The following SRRM2 variants were observed in gnomAD, a reference collection of about 807,000 sequenced individuals.
The protein encoded by SRRM2 is serine/arginine repetitive matrix protein 2.
A neutral mutation model predicts 213.8 loss-of-function variants in SRRM2; 30 were observed. The ratio of observed to expected loss-of-function variants is 0.14; its 90% CI spans 0.10 to 0.19. The LOEUF (loss-of-function observed/expected upper bound fraction) is 0.19, where lower values mean the gene tolerates loss of function less well. SRRM2 is among the 10% of genes least tolerant of loss of function. The probability of loss-of-function intolerance (pLI) is 1.00; values close to 1 mark genes in which losing one functional copy is unlikely to be tolerated. For missense variants in SRRM2, 4,904 were observed against 3,647.0 expected, an observed-to-expected ratio of 1.34 and a Z score of -8.88; for synonymous variants, 2,025 against 1,377.7, an observed-to-expected ratio of 1.47 and a Z score of -10.40.
chr16:2,752,835 CGGAGGCGGCGGGT>C lies in SRRM2; in HGVS notation c.-41_-32+3del, dbSNP rs764629554. ...ACCTCTCCCCCTCGGAGGCGGCGGG[CGGAGGCGGCGGGT>C]GAGAGGGTGAGGGAGCCAGCGAGCC... is the stretch of plus-strand genomic sequence containing the variant. On this transcript the variant is annotated splice_donor_variant and 5_prime_UTR_variant, in exon 1 of 15. Coordinates refer to ENST00000301740, the MANE Select transcript of SRRM2 (RefSeq NM_016333.4). LOFTEE classifies it low-confidence loss of function (5UTR_SPLICE). 7.1e-5 allele frequency: 20 copies of C among 280,502 alleles called. No individual in the cohort carries two copies. Among genetic ancestry groups the C allele is most frequent in the South Asian group, 4.2e-4 (16 of 38,430 alleles). The allele number at this position is 280,502 out of a possible 1,614,324, so 17.4% of individuals were successfully genotyped here. A position where few individuals can be genotyped will look rare whatever the true frequency, so the allele number is the denominator to read the frequency against.
At position 2,763,303 on chromosome 16, in the gene SRRM2, A is replaced by G; in HGVS notation, c.2775A>G (p.Pro925=). ...CCAAAGTGAAGGCAATAATATCACC[A>G]AGACAAAGAAGCCATTCTGGCTCCT... The part of the protein sequence containing the change: ...PQPKVKAIIS[P]RQRSHSGSSS... The change falls in exon 11 of 15, where the codon CCA becomes CCG. Residue 925 remains proline, a synonymous_variant. Transcript: ENST00000301740. 1 of 1,614,174 alleles carries G rather than the reference A, an allele frequency of 6.2e-7. No homozygotes were observed. Among genetic ancestry groups the G allele is most frequent in the East Asian group, 2.2e-5 (1 of 44,886 alleles).
At position 2,771,214 on chromosome 16, in the gene SRRM2, G is replaced by C. The variant is rs1016670065; in HGVS notation, c.*347G>C. 1.5e-6 allele frequency: 1 copy of C among 657,894 alleles called. No individual in the cohort carries two copies. Among genetic ancestry groups the C allele is most frequent in the Non-Finnish European group, 2.7e-6 (1 of 375,616 alleles). 40.8% of individuals were successfully genotyped at this position (657,894 alleles called of 1,614,324 possible). On this transcript the variant is annotated 3_prime_UTR_variant, in exon 15 of 15. Transcript: ENST00000301740. ...AGAAGTTCCCAGGGGTGATTGTGAT[G>C]GTGGTTGGGACTGGAGGTTGTATAA...
In SRRM2 at chr16:2,759,372, A is replaced by G. The variant is rs2068260036; in HGVS notation, c.710A>G (p.Lys237Arg). ...CCCAGGTCTCCCACTCCAAAGAGCA[A>G]ACGTAAATCTAAGGACAAAAAGCGA... ...RKHRSPTPKSKRKSKDKKRKR... is the reference protein window; with the variant it reads ...RKHRSPTPKSRRKSKDKKRKR... Residue 237 changes from lysine to arginine, a missense_variant, in exon 8 of 15, where the codon AAA (lysine) becomes AGA (arginine). Physicochemically the swap from Lys to Arg is conservative, Grantham distance 26 (BLOSUM62 2). Coordinates refer to ENST00000301740, the MANE Select transcript of SRRM2 (RefSeq NM_016333.4). The G allele has an allele frequency of 6.3e-7, 1 of 1,596,476 alleles. No individual in the cohort carries two copies. The highest frequency in any genetic ancestry group is 8.5e-7 in the Non-Finnish European group (1 of 1,175,396).
intron 11 of SRRM2, 167 bp from the exon 12 acceptor site, chr16:2,768,830 T>C (rs1386909000): frequency 1.4e-6 from 2 of 1,409,474 alleles, no homozygotes; most frequent in Admixed American, 3.9e-5. Context: ...AGAGGTTGGG[T>C]CAGCTCGCAC....
intron 1 of SRRM2, among the ~76,000 whole-genome samples, chr16:2,755,797 G>A (rs762946033): frequency 2.6e-5 from 4 of 152,128 alleles, no homozygotes; most frequent in African/African-American, 4.8e-5. Flanking sequence ...TTTCATATTC[G>A]TATAGGGTGG....
chr16:2,765,688 T>TC lies in SRRM2; in HGVS notation c.5165dup (p.Arg1723LysfsTer32). ...CCTCACCAGAAACTCGCTCTAGAAC[T>TC]CCCCCAAGGCACCGGAGAAGTCCCT... On this transcript the variant is annotated frameshift_variant, in exon 11 of 15. Transcript: ENST00000301740. LOFTEE classifies it high-confidence loss of function. 1 of 1,613,766 alleles carries TC rather than the reference T, an allele frequency of 6.2e-7. No individual in the cohort carries two copies. Among genetic ancestry groups the TC allele is most frequent in the Non-Finnish European group, 8.5e-7 (1 of 1,179,968 alleles).
Position 2,768,109 on chromosome 16 carries a change from A to T in SRRM2, c.7581A>T (p.Ala2527=). 17 of 1,614,146 alleles carry T rather than the reference A, an allele frequency of 1.1e-5. No individual in the cohort carries two copies. Among genetic ancestry groups the T allele is most frequent in the Non-Finnish European group, 1.4e-5 (16 of 1,180,024 alleles). ...QPSALAALQP[A]KERRSSSSSS... The stretch of plus-strand genomic sequence containing the variant: ...CTGCATTAGCCGCCCTGCAGCCAGC[A>T]AAGGAGCGGCGGAGTTCCTCCTCGT... The change falls in exon 11 of 15, where the codon GCA becomes GCT. Residue 2527 remains alanine (A), a synonymous_variant. Coordinates refer to ENST00000301740, the MANE Select transcript of SRRM2 (RefSeq NM_016333.4).
In SRRM2 at chr16:2,769,177, C is replaced by T. The variant is rs79439891; in HGVS notation, c.7914C>T (p.Ser2638=). The T allele has an allele frequency of 7.2e-3, 11,550 of 1,611,262 alleles. 509 individuals carry two copies. The African/African-American group carries it at 0.1, about 15-fold the overall frequency. The part of the protein sequence containing the change: ...SSSSSSSSSS[S]SSSSSSSSSS... Reference sequence around the variant, plus strand: ...CCTCTTCCTCTTCTTCTTCTTCCTCCTCATCTTCCTCCTCCTCGTCGTCTT... The same window carrying T: ...CCTCTTCCTCTTCTTCTTCTTCCTCTTCATCTTCCTCCTCCTCGTCGTCTT... Residue 2638 remains serine (S), a synonymous_variant, in exon 12 of 15, where the codon TCC becomes TCT. Transcript: ENST00000301740.
At chr16:2,769,559 T>C (rs2068666811) in intron 12 of SRRM2, 2 of 648,064 alleles carry the variant, frequency 3.1e-6, no homozygotes, top group South Asian at 1.6e-5. Context: ...GGTTCTAGCT[T>C]TGTCTCCCTG....
Position 2,766,334 on chromosome 16 carries a change from A to C in SRRM2, c.5806A>C (p.Arg1936=). The C allele has an allele frequency of 1.2e-6, 2 of 1,614,156 alleles. No individual in the cohort carries two copies. Among genetic ancestry groups the C allele is most frequent in the South Asian group, 1.1e-5 (1 of 91,078 alleles). ...GCCACCAGTAACCCGCCGTCGTTCA[A>C]GGTCTAGAACGCCAACAACACGCCG... ...RTPPVTRRRS[R]SRTPTTRRRS... The change falls in exon 11 of 15, where the codon AGG becomes CGG. Residue 1936 remains arginine, a synonymous_variant. Transcript: ENST00000301740. The surrounding 1 kb of genome is among the most constrained non-coding windows in gnomAD (Gnocchi z 7.0).
chr16:2,769,934 C>G, intron 12 of SRRM2: 2 of 442,320 alleles, frequency 4.5e-6, no homozygotes, highest in South Asian at 3.4e-5. Context: ...CTGGAATTTC[C>G]TTGTCCGCCT....
intron 1 of SRRM2, among the ~76,000 whole-genome samples, chr16:2,754,982 T>G (rs928900625): frequency 3.3e-5 from 5 of 152,234 alleles, no homozygotes; most frequent in Admixed American, 1.3e-4. Context: ...GTATGATGCT[T>G]CTTCATTCTG....
chr16:2,764,251 G>A lies in SRRM2; in HGVS notation c.3723G>A (p.Val1241=). The A allele has an allele frequency of 6.2e-7, 1 of 1,614,040 alleles. No individual in the cohort carries two copies. Among genetic ancestry groups the A allele is most frequent in the Non-Finnish European group, 8.5e-7 (1 of 1,179,978 alleles). ...TSSQDEELME[V]VEKSEEPAGQ... ...GCCAAGATGAAGAGTTAATGGAGGTGGTAGAGAAGTCTGAAGAACCCGCAG... is the reference window on the plus strand; with the variant it reads ...GCCAAGATGAAGAGTTAATGGAGGTAGTAGAGAAGTCTGAAGAACCCGCAG... Residue 1241 remains valine, a synonymous_variant, in exon 11 of 15, where the codon GTG becomes GTA. Transcript: ENST00000301740.
chr16:2,757,378 A>C (rs1313309268), intron 2 of SRRM2, 94 bp from the exon 3 acceptor site: 3 of 1,075,802 alleles, frequency 2.8e-6, no homozygotes, highest in Non-Finnish European at 4.2e-6. Flanking sequence ...GCGCATGGAG[A>C]GGGAGGGGCC....
chr16:2,770,302 C>T lies in SRRM2; in HGVS notation c.8022-50C>T, dbSNP rs1484280669. 4.6e-6 allele frequency: 7 copies of T among 1,517,012 alleles called. No individual in the cohort carries two copies. The African/African-American group carries it at 6.9e-5, about 15-fold the overall frequency. 94.0% of individuals were successfully genotyped at this position (1,517,012 alleles called of 1,614,324 possible). A position where few individuals can be genotyped will look rare whatever the true frequency, so the allele number is the denominator to read the frequency against. ...TGGGCGGGTGGTCCTGAGTGCTGGC[C>T]CGTGTGCTTGAAAGGGTGTGGTGCT... On this transcript the variant is annotated intron_variant, in intron 12 of 14. Coordinates refer to ENST00000301740, the MANE Select transcript of SRRM2 (RefSeq NM_016333.4).
intron 10 of SRRM2, 43 bp downstream of exon 10, chr16:2,760,542 T>A (rs964575966): frequency 6.2e-7 from 1 of 1,602,994 alleles, no homozygotes; most frequent in African/African-American, 1.3e-5. Flanking sequence ...TGCAAATGTA[T>A]AGATTTAGGA....
In SRRM2 at chr16:2,765,968, C is replaced by T. The variant is rs767308650; in HGVS notation, c.5440C>T (p.Arg1814Trp). 9.3e-6 allele frequency: 15 copies of T among 1,613,996 alleles called. No individual in the cohort carries two copies. The highest frequency in any genetic ancestry group is 4.4e-5 in the South Asian group (4 of 91,090). The change falls in exon 11 of 15, where the codon CGG (arginine) becomes TGG (tryptophan). Residue 1814 changes from arginine (R) to tryptophan (W), a missense_variant. By Grantham distance (101) the Arg-to-Trp change is moderately radical. Transcript: ENST00000301740. ...SRSRSRVTRRRRGGSGYHSRS... is the reference protein window; with the variant it reads ...SRSRSRVTRRWRGGSGYHSRS... ...GTCAAGGTCGCGGGTTACTCGGCGG[C>T]GGAGGGGAGGCTCTGGTTATCACTC...
Position 2,766,693 on chromosome 16 carries a change from A to C in SRRM2, c.6165A>C (p.Arg2055Ser). 6.2e-7 allele frequency: 1 copy of C among 1,614,092 alleles called. No individual in the cohort carries two copies. The highest frequency in any genetic ancestry group is 8.5e-7 in the Non-Finnish European group (1 of 1,180,016). Reference sequence around the variant, plus strand: ...CACTTGCTATCCGCCGCCGCTCCAGATCCCGTACTCCACGAACAGCTCGGG... The same window carrying C: ...CACTTGCTATCCGCCGCCGCTCCAGCTCCCGTACTCCACGAACAGCTCGGG... Reference protein sequence around the residue: ...RSPLAIRRRSRSRTPRTARGK... With the variant: ...RSPLAIRRRSSSRTPRTARGK... The change falls in exon 11 of 15, where the codon AGA (arginine) becomes AGC (serine). Residue 2055 changes from arginine (R) to serine (S), a missense_variant. Coordinates refer to ENST00000301740, the MANE Select transcript of SRRM2 (RefSeq NM_016333.4). This position sits in a 1 kb window ranked among gnomAD's most constrained non-coding sequence, Gnocchi z 7.0.
chr16:2,770,348 C>T lies in SRRM2; in HGVS notation c.8022-4C>T, dbSNP rs2068697611. 1 of 1,583,822 alleles carries T rather than the reference C, an allele frequency of 6.3e-7. No homozygotes were observed. Among genetic ancestry groups the T allele is most frequent in the East Asian group, 2.3e-5 (1 of 43,378 alleles). On this transcript the variant is annotated splice_region_variant and splice_polypyrimidine_tract_variant and intron_variant, in intron 12 of 14. Coordinates refer to ENST00000301740, the MANE Select transcript of SRRM2 (RefSeq NM_016333.4). ...GTGCTATTGGGTCCTACTGTGTTCC[C>T]CAGGTCCCGCAGCCCCCGGAAGCCA...
Sources: gnomAD v4.1 joint callset for allele counts (sites outside exome capture counted in the v4.1 genomes callset) on GRCh38, gnomAD v4.1.1 for gene constraint, Gnocchi (gnomAD v3.1) non-coding constraint, MANE v1.5 for transcripts, NCBI Gene and HGNC (gene_info 2026-07-23, HGNC 2026-07-21) for gene names.